MYH6: variants seen among roughly 807,000 people sequenced by gnomAD.
The protein encoded by MYH6 is myosin-6.
Under a neutral mutation model 223.2 loss-of-function variants are expected in MYH6, and 126 were observed. The observed-to-expected ratio is 0.56, with a 90% CI of 0.49 to 0.65. The LOEUF is 0.65. Among genes scored for constraint, MYH6 ranks in the 30% least tolerant of loss-of-function variants. MYH6 has a pLI of 0.00. For synonymous variants in MYH6, 978 were observed against 1,010.2 expected (o/e 0.97, Z 0.61); for missense variants, 2,040 against 2,536.4 (o/e 0.80, Z 4.20).
At chr14:23,403,571 T>A (rs1278619218) in intron 9 of MYH6, 125 bp from the exon 10 acceptor site, 1 of 1,173,062 alleles carries the variant, frequency 8.5e-7, no homozygotes, top group South Asian at 1.2e-5. Flanking sequence ...GGCGAGAAGA[T>A]GTGGCTTAAA....
At chr14:23,396,548 A>G in intron 19 of MYH6, 128 bp from the exon 20 acceptor site, 1 of 1,571,258 alleles carries the variant, frequency 6.4e-7, no homozygotes, top group Non-Finnish European at 8.7e-7. Context: ...AAAATTTGAC[A>G]AACAAGACCG....
At chr14:23,401,148 A>G (rs1891589097) in intron 12 of MYH6, among the ~76,000 whole-genome samples, 171 bp from the exon 13 acceptor site, 1 of 152,210 alleles carries the variant, frequency 6.6e-6, no homozygotes. Flanking sequence ...CTGGGACTAC[A>G]GACATGAGCC....
Position 23,396,303 on chromosome 14 carries a change from T to G in MYH6, c.2410A>C (p.Lys804Gln), listed in dbSNP as rs1566511218. The G allele has an allele frequency of 6.2e-7, 1 of 1,614,176 alleles. No individual in the cohort carries two copies. The highest frequency in any genetic ancestry group is 8.5e-7 in the Non-Finnish European group (1 of 1,180,036). ...TCTCACCTGCGTTCCACTATCTTCTTGAACTCAATGCGCATGAGCTGGCCC... is the reference window on the plus strand; with the variant it reads ...TCTCACCTGCGTTCCACTATCTTCTGGAACTCAATGCGCATGAGCTGGCCC... ...ARGQLMRIEF[K>Q]KIVERRDALL... Residue 804 changes from lysine (K) to glutamine (Q), a missense_variant, in exon 20 of 39, where the codon AAG becomes CAG. By Grantham distance (53) the Lys-to-Gln change is moderately conservative. Transcript: ENST00000405093.
At position 23,405,652 on chromosome 14, in the gene MYH6, TC is replaced by T; in HGVS notation, c.319del (p.Glu107SerfsTer7). 1 of 1,614,144 alleles carries T rather than the reference TC, an allele frequency of 6.2e-7. No homozygotes were observed. Among genetic ancestry groups the T allele is most frequent in the Non-Finnish European group, 8.5e-7 (1 of 1,180,014 alleles). The stretch of plus-strand genomic sequence containing the variant: ...ATATATCATCCAGGCCGCGTAGCGC[TC>T]CTTGAGGTTGAAAAGCACCGCGGGC... ...HEPAVLFNLK[E>X]RYAAWMIYTY... On this transcript the variant is annotated frameshift_variant, in exon 4 of 39. Transcript: ENST00000405093. LOFTEE classifies it high-confidence loss of function. This position sits in a 1 kb window ranked among gnomAD's most constrained non-coding sequence, Gnocchi z 4.7.
At position 23,407,792 on chromosome 14, in the gene MYH6, C is replaced by CATAT. The variant is rs1891834425; in HGVS notation, c.-46-185_-46-184insATAT. On this transcript the variant is annotated intron_variant, in intron 1 of 38. Coordinates refer to ENST00000405093, the MANE Select transcript of MYH6 (RefSeq NM_002471.4). The surrounding 1 kb of genome is among the most constrained non-coding windows in gnomAD (Gnocchi z 5.6). ...CGCAGAGGCAGAAAAGAAAGGGCACCGAGTCAATATGAGTGCGAGGGACGG... is the reference window on the plus strand; with the variant it reads ...CGCAGAGGCAGAAAAGAAAGGGCACCATATGAGTCAATATGAGTGCGAGGGACGG... Among the ~76,000 whole-genome samples, 5 of 152,002 alleles carry CATAT rather than the reference C, an allele frequency of 3.3e-5. No homozygotes were observed. The highest frequency in any genetic ancestry group is 1.2e-4 in the African/African-American group (5 of 41,378).
At chr14:23,400,509 C>G in intron 13 of MYH6, 83 bp from the exon 14 acceptor site, 1 of 1,608,332 alleles carries the variant, frequency 6.2e-7, no homozygotes, top group Middle Eastern at 1.7e-4. Flanking sequence ...TGTGCCGAGC[C>G]CAGCAGGGTA....
At position 23,387,642 on chromosome 14, in the gene MYH6, C is replaced by A; in HGVS notation, c.4537G>T (p.Asp1513Tyr). ...ENKNLQEEIS[D>Y]LTEQLGEGGK... ...CCTTCTCCTAGCTGCTCAGTAAGGT[C>A]CGAGATTTCCTCTGGGGACCAGAGG... Residue 1513 changes from aspartate to tyrosine, a missense_variant, in exon 32 of 39, where the codon GAC becomes TAC. By Grantham distance (160) the Asp-to-Tyr change is radical (BLOSUM62 -3). Around this residue, in one of 4 missense-constraint regions of MYH6, gnomAD observed 1,203 missense variants for 1,400.2 expected, o/e 0.86. Coordinates refer to ENST00000405093, the MANE Select transcript of MYH6 (RefSeq NM_002471.4). 6.2e-7 allele frequency: 1 copy of A among 1,614,068 alleles called. No individual in the cohort carries two copies. Among genetic ancestry groups the A allele is most frequent in the Non-Finnish European group, 8.5e-7 (1 of 1,180,008 alleles).
intron 25 of MYH6, among the ~76,000 whole-genome samples, chr14:23,391,954 T>C (rs1891247409): frequency 6.6e-6 from 1 of 152,210 alleles, no homozygotes; most frequent in African/African-American, 2.4e-5. Context: ...ATGATACTTG[T>C]ATAGAATTTC....
rs765303211 is a variant in MYH6, at chr14:23,400,897, C to T, written c.1222G>A (p.Gly408Ser). The change falls in exon 13 of 39, where the codon GGC becomes AGC. Residue 408 changes from glycine to serine, a missense_variant. Transcript: ENST00000405093. Reference protein sequence around the residue: ...KGLCHPRVKVGNEYVTKGQSV... With the variant: ...KGLCHPRVKVSNEYVTKGQSV... ...TGCCCCTTGGTGACATACTCGTTGC[C>T]CACTTTCACCCGAGGGTGGCACAGC... The T allele has an allele frequency of 5.0e-6, 8 of 1,614,120 alleles. No individual in the cohort carries two copies. Among genetic ancestry groups the T allele is most frequent in the African/African-American group, 2.7e-5 (2 of 74,942 alleles).
At chr14:23,400,652 G>A (rs1891571428) in intron 13 of MYH6, 57 bp downstream of exon 13, 1 of 1,613,562 alleles carries the variant, frequency 6.2e-7, no homozygotes, top group African/African-American at 1.3e-5. Flanking sequence ...GCAAATGGCT[G>A]TTGAATGTAG....
At chr14:23,403,622 CAG>C (rs1333498025) in intron 9 of MYH6, 91 bp downstream of exon 9, 1 of 1,297,238 alleles carries the variant, frequency 7.7e-7, no homozygotes, top group Non-Finnish European at 1.1e-6. Flanking sequence ...GCAGACAAAA[CAG>C]GAGATGGCAG....
intron 7 of MYH6, 121 bp from the exon 8 acceptor site, chr14:23,404,509 G>T: frequency 8.0e-7 from 1 of 1,243,078 alleles, no homozygotes; most frequent in East Asian, 2.4e-5. Flanking sequence ...AACCGCTAGT[G>T]GGTCTGCGAC....
At chr14:23,400,088 G>T (rs541075580) in intron 14 of MYH6, 168 bp downstream of exon 14, 5 of 1,013,346 alleles carry the variant, frequency 4.9e-6, no homozygotes, top group East Asian at 5.2e-5. Context: ...AAGGAAGAGT[G>T]GGGGGATCAT....
At position 23,383,339 on chromosome 14, in the gene MYH6, G is replaced by GCCCCCCCC; in HGVS notation, c.5566-20_5566-19insGGGGGGGG. 2.8e-5 allele frequency: 3 copies of GCCCCCCCC among 108,178 alleles called. No homozygotes were observed. The highest frequency in any genetic ancestry group is 5.5e-5 in the Non-Finnish European group (3 of 54,370). 6.7% of individuals were successfully genotyped at this position (108,178 alleles called of 1,614,324 possible). On this transcript the variant is annotated intron_variant, in intron 36 of 38. Transcript: ENST00000405093. ...CCTCTGTCTGGGGGTGGGAGGGTGGGAGAAGCTGGTTTGGAGGGGGAGCAA... is the reference window on the plus strand; with the variant it reads ...CCTCTGTCTGGGGGTGGGAGGGTGGGCCCCCCCCAGAAGCTGGTTTGGAGGGGGAGCAA...
rs148984154 is a variant in MYH6 at position 23,383,285 on chromosome 14, C to T, written c.5601G>A (p.Gln1867=). Residue 1867 remains glutamine (Q), a synonymous_variant, in exon 37 of 39, where the codon CAG becomes CAA. Transcript: ENST00000405093. ...EEDKKNLLRL[Q]DLVDKLQLKV... is the part of the protein sequence containing the mutation. ...TCAGTTGCAGCTTGTCCACCAGGTC[C>T]TGTAGCCGCAGCAGGTTCTTTTTGT... 1.1e-4 allele frequency: 145 copies of T among 1,364,718 alleles called. No individual in the cohort carries two copies. In the African/African-American group the frequency reaches 2.1e-3, roughly 19 times the overall value. 84.5% of individuals were successfully genotyped at this position (1,364,718 alleles called of 1,614,324 possible).
At chr14:23,385,278 G>A (rs780959543) in intron 34 of MYH6, among the ~76,000 whole-genome samples, 1 of 151,828 alleles carries the variant, frequency 6.6e-6, no homozygotes, top group Non-Finnish European at 1.5e-5. Flanking sequence ...CAAAAGGTCT[G>A]CAGTATTACC....
rs1240257832 is a variant in MYH6, at chr14:23,407,535, C to G, written c.-14+41G>C. 3 of 1,288,020 alleles carry G rather than the reference C, an allele frequency of 2.3e-6. No homozygotes were observed. The highest frequency in any genetic ancestry group is 3.0e-6 in the Non-Finnish European group (3 of 1,006,198). The allele number at this position is 1,288,020 out of a possible 1,614,324, so 79.8% of individuals were successfully genotyped here. A position where few individuals can be genotyped will look rare whatever the true frequency, so the allele number is the denominator to read the frequency against. ...CCAGCAATCCGGCTCCCAGGAGAAG[C>G]ATGCCCCAGTCTCTGCAGAGAAAAT... On this transcript the variant is annotated intron_variant, in intron 2 of 38. Coordinates refer to ENST00000405093, the MANE Select transcript of MYH6 (RefSeq NM_002471.4). This position sits in a 1 kb window ranked among gnomAD's most constrained non-coding sequence, Gnocchi z 5.6.
chr14:23,389,477 C>T lies in MYH6; in HGVS notation c.3894G>A (p.Ala1298=), dbSNP rs151135141. The T allele has an allele frequency of 4.8e-5, 77 of 1,614,072 alleles. No individual in the cohort carries two copies. Among genetic ancestry groups the T allele is most frequent in the African/African-American group, 4.1e-4 (31 of 74,914 alleles). ...TCCCCCGGGTCAGCTGCGAGATTAG[C>T]GCCTCCTTTTCCTCTAGCTGCCGGG... ...ELARQLEEKE[A]LISQLTRGKL... The change falls in exon 28 of 39, where the codon GCG becomes GCA. Residue 1298 remains alanine, a synonymous_variant. Coordinates refer to ENST00000405093, the MANE Select transcript of MYH6 (RefSeq NM_002471.4).
chr14:23,382,528 C>T lies in MYH6; in HGVS notation c.5696G>A (p.Arg1899His), dbSNP rs61731171. The T allele has an allele frequency of 1.3e-5, 21 of 1,614,006 alleles. No homozygotes were observed. Among genetic ancestry groups the T allele is most frequent in the Admixed American group, 8.3e-5 (5 of 59,976 alleles). Residue 1899 changes from arginine (R) to histidine (H), a missense_variant, in exon 38 of 39, where the codon CGC becomes CAC. Around this residue, in one of 4 missense-constraint regions of MYH6, gnomAD observed 1,203 missense variants for 1,400.2 expected, o/e 0.86. Coordinates refer to ENST00000405093, the MANE Select transcript of MYH6 (RefSeq NM_002471.4). ...EQANTNLSKF[R>H]KVQHELDEAE... is the part of the protein sequence containing the mutation. ...CTCATCCAGCTCATGCTGCACCTTG[C>T]GGAACTTGGACAGGTTGGTGTTGGC...
Sources: gnomAD v4.1 joint callset for allele counts (sites outside exome capture counted in the v4.1 genomes callset) on GRCh38, gnomAD v4.1.1 for gene constraint, gnomAD v4.1.1 regional missense constraint, Gnocchi (gnomAD v3.1) non-coding constraint, MANE v1.5 for transcripts, NCBI Gene and HGNC (gene_info 2026-07-23, HGNC 2026-07-21) for gene names.